APBA1: variants seen among roughly 807,000 people sequenced by gnomAD.
APBA1 encodes amyloid beta precursor protein binding family A member 1, also known as amyloid-beta A4 precursor protein-binding family A member 1.
APBA1 carries 55 observed loss-of-function variants against 86.6 expected under a neutral mutation model. The observed-to-expected ratio is 0.64, with a 90% CI of 0.51 to 0.80. The LOEUF is 0.80. Among genes scored for constraint, APBA1 ranks in the 30% least tolerant of loss-of-function variants. The pLI, the probability that APBA1 is intolerant of heterozygous loss-of-function variation, is 0.00. For missense variants in APBA1, 1,090 were observed against 1,183.0 expected (o/e 0.92, Z 1.15); for synonymous variants, 511 against 493.9 (o/e 1.03, Z -0.46).
intron 2 of APBA1, among the ~76,000 whole-genome samples, chr9:69,501,364 C>T (rs921998732): frequency 6.6e-6 from 1 of 152,056 alleles, no homozygotes; most frequent in African/African-American, 2.4e-5. Context: ...TGTTTGTACT[C>T]AAATCACATT....
intron 10 of APBA1, among the ~76,000 whole-genome samples, chr9:69,443,625 G>A (rs1697281896): frequency 6.6e-6 from 1 of 152,130 alleles, no homozygotes; most frequent in Non-Finnish European, 1.5e-5. Context: ...AACACTCACT[G>A]TTATCTGGCA....
intron 1 of APBA1, among the ~76,000 whole-genome samples, chr9:69,533,097 A>G (rs1359223724): frequency 6.6e-6 from 1 of 152,230 alleles, no homozygotes; most frequent in East Asian, 1.9e-4. Context: ...GGTGATCTGT[A>G]TAACAGATAT....
intron 1 of APBA1, among the ~76,000 whole-genome samples, chr9:69,612,869 C>T (rs73647265): frequency 0.073 from 11,156 of 151,828 alleles, 566 homozygotes; most frequent in African/African-American, 0.14. Flanking sequence ...GCAGGAGATA[C>T]GTGAAGAAAG....
At chr9:69,435,283 G>A (rs1834687792) in intron 11 of APBA1, among the ~76,000 whole-genome samples, 1 of 152,170 alleles carries the variant, frequency 6.6e-6, no homozygotes, top group African/African-American at 2.4e-5. Context: ...GCAGCAGCAT[G>A]ATTTATAGTC....
intron 1 of APBA1, among the ~76,000 whole-genome samples, chr9:69,558,445 C>G (rs1836895435): frequency 6.6e-6 from 1 of 151,752 alleles, no homozygotes; most frequent in South Asian, 2.1e-4. Context: ...TCAATAACTT[C>G]TTATTCTTGT....
intron 1 of APBA1, among the ~76,000 whole-genome samples, chr9:69,530,678 C>T (rs1378130946): frequency 6.6e-6 from 1 of 152,046 alleles, no homozygotes; most frequent in African/African-American, 2.4e-5. Flanking sequence ...TGCAGTATAC[C>T]CATGTAACAA....
Position 69,430,455 on chromosome 9 carries a change from G to T in APBA1, c.*872C>A, listed in dbSNP as rs1834569444. The T allele has an allele frequency of 1.3e-5, 2 of 152,474 alleles. No homozygotes were observed. Among genetic ancestry groups the T allele is most frequent in the Admixed American group, 1.3e-4 (2 of 15,274 alleles). 9.4% of individuals were successfully genotyped at this position (152,474 alleles called of 1,614,324 possible). On this transcript the variant is annotated 3_prime_UTR_variant, in exon 13 of 13. Transcript: ENST00000265381. ...GCCAGGGAAGGGGCCTTCCAGAGAG[G>T]TGGGTTTCCAGGGGATCTGTGTGCC... is the stretch of plus-strand genomic sequence containing the variant.
intron 1 of APBA1, among the ~76,000 whole-genome samples, chr9:69,543,373 C>G (rs1836649894): frequency 6.6e-6 from 1 of 151,632 alleles, no homozygotes; most frequent in African/African-American, 2.4e-5. Flanking sequence ...GCAAGGAAAC[C>G]TGGAAACCAT....
intron 1 of APBA1, among the ~76,000 whole-genome samples, chr9:69,636,687 G>A (rs979050372): frequency 6.6e-6 from 1 of 151,246 alleles, no homozygotes; most frequent in Non-Finnish European, 1.5e-5. Context: ...CCAACTACCT[G>A]GGAGGCTTAG....
At chr9:69,633,116 TTTATTTTA>T (rs137991915) in intron 1 of APBA1, among the ~76,000 whole-genome samples, 12,712 of 117,876 alleles carry the variant, frequency 0.11, 651 homozygotes, top group South Asian at 0.17. Flanking sequence ...AACTGTGTCT[TTTATTTTA>T]TTTTATTTTA....
intron 1 of APBA1, among the ~76,000 whole-genome samples, chr9:69,521,265 C>T (rs965548562): frequency 6.6e-6 from 1 of 152,196 alleles, no homozygotes; most frequent in Non-Finnish European, 1.5e-5. Context: ...GGATGCTTCA[C>T]CCCTTTAGTC....
rs150818997 is a variant in APBA1, at chr9:69,476,098, T to C, written c.1246A>G (p.Ser416Gly). 5 of 1,614,138 alleles carry C rather than the reference T, an allele frequency of 3.1e-6. No homozygotes were observed. Among genetic ancestry groups the C allele is most frequent in the Non-Finnish European group, 4.2e-6 (5 of 1,180,014 alleles). The change falls in exon 3 of 13, where the codon AGC (serine) becomes GGC (glycine). Residue 416 changes from serine (S) to glycine (G), a missense_variant. Coordinates refer to ENST00000265381, the MANE Select transcript of APBA1 (RefSeq NM_001163.4). ...GGGTCACTGGGGTGAAGAGATGTGC[T>C]TGATGACTCTGCACCCAAGGGGGAG... is the stretch of plus-strand genomic sequence containing the variant. Reference protein sequence around the residue: ...SSSPLGAESSSTSLHPSDPVE... With the variant: ...SSSPLGAESSGTSLHPSDPVE...
chr9:69,531,314 G>C (rs12341615), intron 1 of APBA1, among the ~76,000 whole-genome samples: 1 of 151,966 alleles, frequency 6.6e-6, no homozygotes, highest in Non-Finnish European at 1.5e-5. Flanking sequence ...CCAAAAGTGC[G>C]TACCATCACC....
At chr9:69,470,667 C>T (rs1835352610) in intron 4 of APBA1, among the ~76,000 whole-genome samples, 1 of 152,192 alleles carries the variant, frequency 6.6e-6, no homozygotes, top group Admixed American at 6.5e-5. Context: ...AACACAATGA[C>T]TGTTTACGCA....
intron 5 of APBA1, chr9:69,462,348 C>G (rs1211109843): frequency 6.6e-6 from 1 of 152,212 alleles, no homozygotes; most frequent in Non-Finnish European, 1.5e-5. Flanking sequence ...GCTCATTGTG[C>G]TGGCTTCCAG....
At chr9:69,584,395 A>G (rs930569413) in intron 1 of APBA1, among the ~76,000 whole-genome samples, 1 of 152,184 alleles carries the variant, frequency 6.6e-6, no homozygotes, top group African/African-American at 2.4e-5. Flanking sequence ...CAACATATCT[A>G]TCCTCTATTC....
At chr9:69,662,021 AAC>A (rs3069250) in intron 1 of APBA1, among the ~76,000 whole-genome samples, 25,367 of 146,430 alleles carry the variant, frequency 0.17, 2,248 homozygotes, top group Middle Eastern at 0.24. Context: ...GACAAACAGT[AAC>A]ACACACACAC....
intron 1 of APBA1, among the ~76,000 whole-genome samples, chr9:69,653,780 C>A (rs1355554009): frequency 6.6e-6 from 1 of 151,996 alleles, no homozygotes; most frequent in Non-Finnish European, 1.5e-5. Flanking sequence ...TAGAACATAC[C>A]AAAACCTACG....
At chr9:69,512,446 A>G (rs1317551910) in intron 2 of APBA1, among the ~76,000 whole-genome samples, 2 of 152,208 alleles carry the variant, frequency 1.3e-5, no homozygotes, top group African/African-American at 4.8e-5. Flanking sequence ...GACAAATGGC[A>G]ATACAGGTTT....
Sources: gnomAD v4.1 joint callset for allele counts (sites outside exome capture counted in the v4.1 genomes callset) on GRCh38, gnomAD v4.1.1 for gene constraint, MANE v1.5 for transcripts, NCBI Gene and HGNC (gene_info 2026-07-23, HGNC 2026-07-21) for gene names.